EEF1E1: variants seen among roughly 807,000 people sequenced by gnomAD.
EEF1E1 encodes eukaryotic translation elongation factor 1 epsilon-1.
In EEF1E1, 19 loss-of-function variants were observed where a neutral mutation model predicts 19.9. The observed-to-expected ratio is 0.95, with a 90% CI of 0.66 to 1.40. EEF1E1 has a LOEUF of 1.40. Among genes scored for constraint, EEF1E1 ranks in the 40% most tolerant of loss-of-function variants. EEF1E1 has a pLI of 0.00. For missense variants in EEF1E1, 198 were observed against 202.2 expected (o/e 0.98, Z 0.13); for synonymous variants, 81 against 80.0 (o/e 1.01, Z -0.07).
At chr6:8,073,762 T>C (rs1757532816) in intron 3 of EEF1E1, among the ~76,000 whole-genome samples, 1 of 152,256 alleles carries the variant, frequency 6.6e-6, no homozygotes, top group African/African-American at 2.4e-5. Flanking sequence ...TCTTTGCAAA[T>C]TGATGATCCA....
downstream of EEF1E1, chr6:8,078,704 T>A: frequency 7.8e-7 from 1 of 1,286,594 alleles, no homozygotes; most frequent in Non-Finnish European, 1.0e-6. Flanking sequence ...CCTGTTACAA[T>A]CCTCATTTTC....
chr6:8,074,918 G>C (rs957171606), downstream of EEF1E1, among the ~76,000 whole-genome samples: 1 of 152,212 alleles, frequency 6.6e-6, no homozygotes, highest in Non-Finnish European at 1.5e-5. Context: ...GAAGAAGCGG[G>C]AAGAGGGGTC....
In EEF1E1 at chr6:8,092,868, G is replaced by GTTTTTTTTTTTTT. The variant is rs1554099258; in HGVS notation, c.289-2588_289-2587insAAAAAAAAAAAAA. On this transcript the variant is annotated intron_variant, in intron 2 of 3. Transcript: ENST00000379715. Reference sequence around the variant, plus strand: ...GTTTTGTGTTTTAGTGATAAAGACTGCTTTTTTTTTTTTTTTTTTTTTTTG... The same window carrying GTTTTTTTTTTTTT: ...GTTTTGTGTTTTAGTGATAAAGACTGTTTTTTTTTTTTTCTTTTTTTTTTTTTTTTTTTTTTTG... 2.5e-4 allele frequency among the ~76,000 whole-genome samples: 27 copies of GTTTTTTTTTTTTT among 108,182 alleles called. 2 individuals carry two copies. The highest frequency in any genetic ancestry group is 3.7e-4 in the Non-Finnish European group (20 of 53,742). 71.0% of individuals were successfully genotyped at this position (108,182 alleles called of 152,430 possible). A position where few individuals can be genotyped will look rare whatever the true frequency, so the allele number is the denominator to read the frequency against.
chr6:8,092,029 T>A (rs186016235), intron 2 of EEF1E1, among the ~76,000 whole-genome samples: 1 of 152,330 alleles, frequency 6.6e-6, no homozygotes, highest in Admixed American at 6.5e-5. Flanking sequence ...AGGGCTTGCT[T>A]CCTGGTTCAC....
chr6:8,085,585 G>A (rs564926676), intron 3 of EEF1E1, among the ~76,000 whole-genome samples: 55 of 152,306 alleles, frequency 3.6e-4, no homozygotes, highest in Middle Eastern at 6.8e-3. Flanking sequence ...TTCTTTGTAA[G>A]TATGGGGAAT....
chr6:8,095,495 C>A, intron 2 of EEF1E1: 1 of 209,306 alleles, frequency 4.8e-6, no homozygotes, highest in South Asian at 5.0e-5. Flanking sequence ...AGAGTGAGAA[C>A]CTGTGACAAA....
intron 1 of EEF1E1, 135 bp from the exon 2 acceptor site, chr6:8,097,602 T>C (rs73719913): frequency 0.1 from 69,646 of 663,434 alleles, 4,434 homozygotes; most frequent in South Asian, 0.2. Flanking sequence ...CTAAATTACA[T>C]ACAAATGAAA....
At chr6:8,088,698 C>CGTGAAAATG (rs1757934498) in intron 3 of EEF1E1, among the ~76,000 whole-genome samples, 3 of 152,048 alleles carry the variant, frequency 2.0e-5, no homozygotes, top group Admixed American at 2.0e-4. Context: ...TTATCAGCAG[C>CGTGAAAATG]GTGAAAATGG....
chr6:8,097,185 A>ATTG, intron 2 of EEF1E1, 82 bp downstream of exon 2: 1 of 1,391,046 alleles, frequency 7.2e-7, no homozygotes, highest in Non-Finnish European at 1.0e-6. Flanking sequence ...GAAGGCCAAC[A>ATTG]GCTACAGCTT....
At chr6:8,091,737 T>C (rs965194079) in intron 2 of EEF1E1, among the ~76,000 whole-genome samples, 3 of 152,234 alleles carry the variant, frequency 2.0e-5, no homozygotes, top group Admixed American at 1.3e-4. Flanking sequence ...AAAGGTTTTG[T>C]AAATGAGTTA....
intron 1 of EEF1E1, 142 bp downstream of exon 1, chr6:8,102,293 G>C (rs1406438235): frequency 1.0e-6 from 1 of 992,456 alleles, no homozygotes; most frequent in African/African-American, 1.7e-5. Context: ...GGCGCCAGCC[G>C]GCTAGCGGCG....
chr6:8,082,443 A>G (rs1003073209), intron 3 of EEF1E1, among the ~76,000 whole-genome samples: 1 of 152,052 alleles, frequency 6.6e-6, no homozygotes, highest in African/African-American at 2.4e-5. Context: ...ACACCTGGCT[A>G]ATTTTTTGTA....
intron 1 of EEF1E1, among the ~76,000 whole-genome samples, chr6:8,097,708 A>C (rs1358418831): frequency 1.3e-5 from 2 of 152,228 alleles, no homozygotes; most frequent in African/African-American, 4.8e-5. Flanking sequence ...TAATATTACT[A>C]CAATAATCAG....
intron 2 of EEF1E1, among the ~76,000 whole-genome samples, chr6:8,096,748 T>G (rs1252472002): frequency 6.6e-6 from 1 of 152,196 alleles, no homozygotes; most frequent in Non-Finnish European, 1.5e-5. Context: ...ATCCAGTAGA[T>G]TATTTTATTA....
chr6:8,096,847 C>T (rs1054673904), intron 2 of EEF1E1, among the ~76,000 whole-genome samples: 1 of 152,018 alleles, frequency 6.6e-6, no homozygotes, highest in Non-Finnish European at 1.5e-5. Flanking sequence ...TTTTTTCAAA[C>T]TAAACCCTAA....
intron 2 of EEF1E1, chr6:8,095,427 C>G (rs1201686179): frequency 2.7e-6 from 1 of 373,524 alleles, no homozygotes; most frequent in East Asian, 1.1e-4. Flanking sequence ...CACTTGAACC[C>G]AGGAGGCGGA....
rs76696557 is a variant in EEF1E1 at position 8,091,261 on chromosome 6, A to G, written c.289-980T>C. Among the ~76,000 whole-genome samples the G allele has an allele frequency of 1.8e-3, 272 of 152,322 alleles. 3 individuals carry two copies. Among genetic ancestry groups the G allele is most frequent in the African/African-American group, 6.3e-3 (261 of 41,576 alleles). Reference sequence around the variant, plus strand: ...TGTGAGATGATATCTCACTGTAAACATGATCTACATTTCCCTAATGATTAG... The same window carrying G: ...TGTGAGATGATATCTCACTGTAAACGTGATCTACATTTCCCTAATGATTAG... On this transcript the variant is annotated intron_variant, in intron 2 of 3. Coordinates refer to ENST00000379715, the MANE Select transcript of EEF1E1 (RefSeq NM_004280.5).
chr6:8,078,705 C>A (rs531200715), downstream of EEF1E1: 1 of 1,286,310 alleles, frequency 7.8e-7, no homozygotes, highest in Non-Finnish European at 1.0e-6. Flanking sequence ...CTGTTACAAT[C>A]CTCATTTTCT....
chr6:8,078,842 T>C, downstream of EEF1E1: 2 of 1,125,914 alleles, frequency 1.8e-6, no homozygotes, highest in Non-Finnish European at 2.2e-6. Flanking sequence ...GCATTATCTT[T>C]TTATTTTTAG....
Sources: gnomAD v4.1 joint callset for allele counts (sites outside exome capture counted in the v4.1 genomes callset) on GRCh38, gnomAD v4.1.1 for gene constraint, MANE v1.5 for transcripts, NCBI Gene and HGNC (gene_info 2026-07-23, HGNC 2026-07-21) for gene names.